PPFIA2: variants seen among roughly 807,000 people sequenced by gnomAD.
PPFIA2 encodes PPFI scaffold protein A2.
A neutral mutation model predicts 175.5 loss-of-function variants in PPFIA2; 46 were observed. The ratio of observed to expected loss-of-function variants is 0.26; its 90% CI spans 0.21 to 0.34. The LOEUF (loss-of-function observed/expected upper bound fraction) is 0.34, where lower values mean the gene tolerates loss of function less well. Among genes scored for constraint, PPFIA2 ranks in the 10% least tolerant of loss-of-function variants. PPFIA2 has a pLI of 1.00. For missense variants in PPFIA2, 1,179 were observed against 1,506.1 expected, an observed-to-expected ratio of 0.78 and a Z score of 3.60; for synonymous variants, 568 against 511.4, an observed-to-expected ratio of 1.11 and a Z score of -1.49.
intron 5 of PPFIA2, among the ~76,000 whole-genome samples, chr12:81,457,367 T>A (rs552598402): frequency 1.6e-3 from 238 of 152,000 alleles, no homozygotes; most frequent in Middle Eastern, 3.4e-3. Flanking sequence ...TAGCAGCCCT[T>A]AATTTAAACT....
At chr12:81,683,334 T>C (rs1324524754) in intron 3 of PPFIA2, among the ~76,000 whole-genome samples, 1 of 104,948 alleles carries the variant, frequency 9.5e-6, no homozygotes, top group Non-Finnish European at 1.9e-5. Flanking sequence ...ATCTATCACA[T>C]AAACTGAAAA....
chr12:81,375,925 T>A lies in PPFIA2; in HGVS notation c.1002A>T (p.Glu334Asp). The part of the protein sequence containing the change: ...RDIREAMAQK[E>D]DMEERITTLE... Reference sequence around the variant, plus strand: ...GGGTTGTAATTCTTTCTTCCATATCTTCCTTTTGTGCCATGGCCTACAATT... The same window carrying A: ...GGGTTGTAATTCTTTCTTCCATATCATCCTTTTGTGCCATGGCCTACAATT... Residue 334 changes from glutamate to aspartate, a missense_variant, in exon 10 of 33, where the codon GAA (glutamate) becomes GAT (aspartate). Around this residue, in one of 10 missense-constraint regions of PPFIA2, gnomAD observed 226 missense variants for 216.6 expected, o/e 1.04. Transcript: ENST00000549396. 5 of 1,613,294 alleles carry A rather than the reference T, an allele frequency of 3.1e-6. No individual in the cohort carries two copies. Among genetic ancestry groups the A allele is most frequent in the Non-Finnish European group, 4.2e-6 (5 of 1,179,478 alleles).
At chr12:81,307,395 C>T (rs2049530822) in intron 22 of PPFIA2, among the ~76,000 whole-genome samples, 1 of 152,150 alleles carries the variant, frequency 6.6e-6, no homozygotes, top group South Asian at 2.1e-4. Context: ...TGACAATCAC[C>T]TAGGATCCTT....
intron 4 of PPFIA2, among the ~76,000 whole-genome samples, chr12:81,541,815 T>C (rs552382178): frequency 6.6e-6 from 1 of 152,246 alleles, no homozygotes; most frequent in African/African-American, 2.4e-5. Context: ...GAAACCACTA[T>C]ACATGTATGA....
At chr12:81,302,039 A>G (rs10862287) in intron 22 of PPFIA2, 239,988 of 256,344 alleles carry the variant, frequency 0.94, 113,109 homozygotes, top group South Asian at 0.98. Flanking sequence ...CTAGAACAAG[A>G]TCAGGCACAG....
intron 22 of PPFIA2, among the ~76,000 whole-genome samples, chr12:81,306,651 C>T (rs1394768062): frequency 6.6e-6 from 1 of 150,538 alleles, no homozygotes; most frequent in Non-Finnish European, 1.5e-5. Flanking sequence ...AGTGATTGTC[C>T]TGCTTCAGCC....
chr12:81,280,199 A>C (rs568314445), intron 27 of PPFIA2, among the ~76,000 whole-genome samples: 2 of 152,306 alleles, frequency 1.3e-5, no homozygotes, highest in East Asian at 1.9e-4. Flanking sequence ...CAAGCCATTA[A>C]CCAAAATGGA....
intron 3 of PPFIA2, among the ~76,000 whole-genome samples, chr12:81,707,296 A>T (rs1431395305): frequency 6.6e-6 from 1 of 151,926 alleles, no homozygotes; most frequent in Non-Finnish European, 1.5e-5. Context: ...AATATCCAGA[A>T]TCTACAATGA....
At chr12:81,710,033 T>C (rs1034368818) in intron 3 of PPFIA2, among the ~76,000 whole-genome samples, 1 of 152,056 alleles carries the variant, frequency 6.6e-6, no homozygotes, top group African/African-American at 2.4e-5. Flanking sequence ...TCTTTTTTAA[T>C]AAATTATGGC....
intron 4 of PPFIA2, among the ~76,000 whole-genome samples, chr12:81,618,888 A>T (rs2061713311): frequency 2.0e-5 from 3 of 152,156 alleles, no homozygotes; most frequent in Admixed American, 6.5e-5. Flanking sequence ...GATATTATTC[A>T]TTCATTAATT....
At chr12:81,731,970 A>G (rs1340557621) in intron 3 of PPFIA2, among the ~76,000 whole-genome samples, 1 of 151,614 alleles carries the variant, frequency 6.6e-6, no homozygotes, top group Admixed American at 6.6e-5. Context: ...TAATTGTATT[A>G]AAGAAAGCAT....
At chr12:81,302,380 T>C (rs768877157) in intron 22 of PPFIA2, among the ~76,000 whole-genome samples, 4 of 152,152 alleles carry the variant, frequency 2.6e-5, no homozygotes, top group Non-Finnish European at 4.4e-5. Context: ...TTCTGTTCTA[T>C]GAACAGAAGT....
At chr12:81,677,070 G>C (rs746685494) in intron 3 of PPFIA2, among the ~76,000 whole-genome samples, 42 of 151,884 alleles carry the variant, frequency 2.8e-4, no homozygotes, top group Non-Finnish European at 7.4e-5. Context: ...CATGTAAACA[G>C]ATTTTTTTAA....
At chr12:81,400,955 T>G (rs871802) in intron 8 of PPFIA2, among the ~76,000 whole-genome samples, 108 of 152,302 alleles carry the variant, frequency 7.1e-4, no homozygotes, top group African/African-American at 2.4e-3. Flanking sequence ...AAAAATTCAC[T>G]GCATATAGTT....
At chr12:81,664,858 T>TA (rs2069795486) in intron 4 of PPFIA2, among the ~76,000 whole-genome samples, 1 of 151,892 alleles carries the variant, frequency 6.6e-6, no homozygotes, top group Non-Finnish European at 1.5e-5. Flanking sequence ...TATGCAGCCA[T>TA]AAAAAAGGAT....
intron 4 of PPFIA2, among the ~76,000 whole-genome samples, chr12:81,559,380 C>T (rs2069508856): frequency 6.6e-6 from 1 of 152,150 alleles, no homozygotes; most frequent in Non-Finnish European, 1.5e-5. Context: ...AAACATGACA[C>T]AATATTGTCA....
At chr12:81,414,676 C>T (rs1020299650) in intron 7 of PPFIA2, among the ~76,000 whole-genome samples, 1 of 151,458 alleles carries the variant, frequency 6.6e-6, no homozygotes, top group Non-Finnish European at 1.5e-5. Context: ...CTCACTACAC[C>T]AACACATAAT....
intron 4 of PPFIA2, among the ~76,000 whole-genome samples, chr12:81,464,988 A>C (rs2055340663): frequency 1.3e-5 from 2 of 152,132 alleles, no homozygotes; most frequent in Admixed American, 1.3e-4. Context: ...CATTTACTAA[A>C]TGCTTGAAAG....
At chr12:81,382,662 C>A (rs1566573801) in intron 9 of PPFIA2, among the ~76,000 whole-genome samples, 1 of 151,982 alleles carries the variant, frequency 6.6e-6, no homozygotes, top group Non-Finnish European at 1.5e-5. Context: ...AGATTGTTGG[C>A]CTGAGCAACA....
Sources: gnomAD v4.1 joint callset for allele counts (sites outside exome capture counted in the v4.1 genomes callset) on GRCh38, gnomAD v4.1.1 for gene constraint, gnomAD v4.1.1 regional missense constraint, MANE v1.5 for transcripts, NCBI Gene and HGNC (gene_info 2026-07-23, HGNC 2026-07-21) for gene names.